Variants in KLHL29 observed in about 807,000 individuals in gnomAD.
KLHL29 encodes kelch like family member 29.
Under a neutral mutation model 80.4 loss-of-function variants are expected in KLHL29, and 21 were observed. The ratio of observed to expected loss-of-function variants is 0.26; its 90% confidence interval spans 0.19 to 0.38. The LOEUF (loss-of-function observed/expected upper bound fraction) is 0.38, where lower values mean the gene tolerates loss of function less well. KLHL29 is among the 10% of genes least tolerant of loss of function. The pLI, the probability that KLHL29 is intolerant of heterozygous loss-of-function variation, is 1.00. For synonymous variants in KLHL29, 511 were observed against 526.8 expected (o/e 0.97, Z 0.41); for missense variants, 867 against 1,223.9 (o/e 0.71, Z 4.35).
intron 2 of KLHL29, among the ~76,000 whole-genome samples, chr2:23,493,177 T>TA (rs1248995512): frequency 2.6e-5 from 4 of 152,168 alleles, no homozygotes; most frequent in Non-Finnish European, 5.9e-5. Flanking sequence ...CCCAACCTGT[T>TA]CTTGCAAATA....
At chr2:23,583,634 A>G (rs1331177014) in intron 3 of KLHL29, among the ~76,000 whole-genome samples, 1 of 152,232 alleles carries the variant, frequency 6.6e-6, no homozygotes, top group Non-Finnish European at 1.5e-5. Context: ...GAGTAGGATC[A>G]GACACTCGAT....
chr2:23,553,940 G>A (rs1230923049), intron 2 of KLHL29, among the ~76,000 whole-genome samples: 1 of 152,196 alleles, frequency 6.6e-6, no homozygotes, highest in Non-Finnish European at 1.5e-5. Context: ...TTTGAGTCTG[G>A]CTTCTATGGG....
chr2:23,566,876 G>A (rs953202571), intron 3 of KLHL29, among the ~76,000 whole-genome samples: 6 of 152,338 alleles, frequency 3.9e-5, no homozygotes, highest in Admixed American at 3.3e-4. Flanking sequence ...ACCATTGACT[G>A]GGTCTACCCA....
At chr2:23,567,878 A>G (rs1667629196) in intron 3 of KLHL29, among the ~76,000 whole-genome samples, 1 of 152,212 alleles carries the variant, frequency 6.6e-6, no homozygotes, top group South Asian at 2.1e-4. Context: ...AAGAACTGTG[A>G]TTTGCCTTGT....
intron 5 of KLHL29, chr2:23,667,305 G>T (rs140545428): frequency 2.0e-5 from 3 of 152,114 alleles, no homozygotes; most frequent in East Asian, 1.9e-4. Context: ...ATTTCTTTGC[G>T]CTCTGAGCAC....
intron 1 of KLHL29, among the ~76,000 whole-genome samples, chr2:23,422,305 T>C (rs1164853984): frequency 6.6e-6 from 1 of 151,908 alleles, no homozygotes; most frequent in Non-Finnish European, 1.5e-5. Flanking sequence ...ATTTTGTGTT[T>C]CCTTATGTGT....
chr2:23,688,080 T>C (rs1421684926), intron 6 of KLHL29, among the ~76,000 whole-genome samples: 1 of 152,096 alleles, frequency 6.6e-6, no homozygotes, highest in African/African-American at 2.4e-5. Context: ...AGCACCTCGG[T>C]AGAGTGGACA....
intron 3 of KLHL29, among the ~76,000 whole-genome samples, chr2:23,588,247 G>C (rs759801918): frequency 1.3e-5 from 2 of 152,146 alleles, no homozygotes; most frequent in Non-Finnish European, 2.9e-5. Context: ...CCAGGAGAGA[G>C]GCTGAGTTGG....
intron 3 of KLHL29, among the ~76,000 whole-genome samples, chr2:23,575,074 C>G (rs1046242790): frequency 2.6e-5 from 4 of 152,216 alleles, no homozygotes; most frequent in African/African-American, 9.6e-5. Flanking sequence ...CTCCCCTCTC[C>G]CATTTGCTCC....
intron 2 of KLHL29, among the ~76,000 whole-genome samples, chr2:23,495,030 A>T (rs977905819): frequency 2.0e-5 from 3 of 151,886 alleles, no homozygotes; most frequent in African/African-American, 7.3e-5. Flanking sequence ...AATCTCTTTT[A>T]TTTTATTTAT....
chr2:23,557,556 G>A (rs2339789), intron 2 of KLHL29, among the ~76,000 whole-genome samples: 59,145 of 151,742 alleles, frequency 0.39, 13,105 homozygotes, highest in Non-Finnish European at 0.49. Context: ...TGGGAGGTGC[G>A]GGGTGCTGGG....
chr2:23,546,677 A>G (rs558023952), intron 2 of KLHL29, among the ~76,000 whole-genome samples: 2 of 152,162 alleles, frequency 1.3e-5, no homozygotes, highest in East Asian at 1.9e-4. Flanking sequence ...TCCCCACTCT[A>G]CCAGCCCCTC....
chr2:23,527,698 C>T (rs775738323), intron 2 of KLHL29, among the ~76,000 whole-genome samples: 2 of 152,232 alleles, frequency 1.3e-5, no homozygotes, highest in African/African-American at 2.4e-5. Flanking sequence ...GTCCAACAAC[C>T]TCGCCACATG....
At chr2:23,581,767 G>T (rs1249922033) in intron 3 of KLHL29, among the ~76,000 whole-genome samples, 1 of 138,976 alleles carries the variant, frequency 7.2e-6, no homozygotes, top group Non-Finnish European at 1.5e-5. Context: ...GGTGGAGGTT[G>T]CAGTGAGCCA....
chr2:23,662,002 T>TGA (rs1670422317), intron 5 of KLHL29, among the ~76,000 whole-genome samples: 1 of 152,146 alleles, frequency 6.6e-6, no homozygotes, highest in Admixed American at 6.5e-5. Context: ...TTTGAGTGTA[T>TGA]GAGTGAATGA....
At chr2:23,561,490 AG>A (rs1486897587) in intron 2 of KLHL29, among the ~76,000 whole-genome samples, 19 of 152,168 alleles carry the variant, frequency 1.2e-4, no homozygotes, top group African/African-American at 4.3e-4. Context: ...TGATTATGAA[AG>A]GGAACTCAAC....
At chr2:23,385,928 G>GGCT in intron 1 of KLHL29, 148 bp downstream of exon 1, 1 of 153,858 alleles carries the variant, frequency 6.5e-6, no homozygotes, top group South Asian at 1.8e-4. Context: ...CGGCGGCGGC[G>GGCT]ACAGGAGCCT....
At chr2:23,576,970 G>A (rs979794756) in intron 3 of KLHL29, among the ~76,000 whole-genome samples, 10 of 152,122 alleles carry the variant, frequency 6.6e-5, no homozygotes, top group Non-Finnish European at 5.9e-5. Flanking sequence ...CAGGGTGTCC[G>A]GCCACCACCC....
intron 3 of KLHL29, among the ~76,000 whole-genome samples, chr2:23,619,010 C>T (rs1021390455): frequency 1.3e-5 from 2 of 152,204 alleles, no homozygotes; most frequent in Non-Finnish European, 2.9e-5. Context: ...GCTGGTCCTT[C>T]CCCTCCAGGG....
Sources: allele counts gnomAD v4.1 joint callset (sites outside exome capture counted in the v4.1 genomes callset), GRCh38; gene constraint gnomAD v4.1.1; transcripts MANE v1.5; gene names NCBI Gene and HGNC (gene_info 2026-07-23, HGNC 2026-07-21).